MET: variants seen among roughly 807,000 people sequenced by gnomAD.
MET encodes hepatocyte growth factor receptor.
In MET, 48 loss-of-function variants were observed where a neutral mutation model predicts 133.1. The observed-to-expected ratio is 0.36, with a 90% confidence interval of 0.29 to 0.46. The LOEUF (loss-of-function observed/expected upper bound fraction) is 0.46, where lower values mean the gene tolerates loss of function less well. Among genes scored for constraint, MET ranks in the 20% least tolerant of loss-of-function variants. MET has a pLI of 1.00. For synonymous variants in MET, 628 were observed against 616.5 expected (o/e 1.02, Z -0.28); for missense variants, 1,442 against 1,695.9 (o/e 0.85, Z 2.63).
chr7:116,779,095 C>A, intron 17 of MET, 138 bp downstream of exon 17: 2 of 868,412 alleles, frequency 2.3e-6, no homozygotes, highest in South Asian at 1.6e-5. Flanking sequence ...TCAAATGCAC[C>A]TCAAAGTCTT....
intron 1 of MET, among the ~76,000 whole-genome samples, chr7:116,698,817 C>A (rs987225984): frequency 6.6e-6 from 1 of 152,200 alleles, no homozygotes; most frequent in South Asian, 2.1e-4. Context: ...AACCTTAATA[C>A]AGAACATTGT....
chr7:116,733,136 A>T (rs1432258525), intron 3 of MET, among the ~76,000 whole-genome samples: 1 of 152,072 alleles, frequency 6.6e-6, no homozygotes, highest in Non-Finnish European at 1.5e-5. Context: ...CGCCCCTCCC[A>T]CAGAGACATG....
chr7:116,777,495 G>C (rs1252706945), intron 16 of MET, 26 bp downstream of exon 16: 2 of 1,604,778 alleles, frequency 1.2e-6, no homozygotes. Context: ...TTTAACCATG[G>C]AGTATACTTT....
chr7:116,727,780 G>C (rs768789594), intron 2 of MET, among the ~76,000 whole-genome samples: 1 of 152,190 alleles, frequency 6.6e-6, no homozygotes, highest in Non-Finnish European at 1.5e-5. Context: ...TGTCTACAGT[G>C]CTGAGATAAA....
At chr7:116,741,685 T>C (rs1793460214) in intron 5 of MET, among the ~76,000 whole-genome samples, 1 of 152,180 alleles carries the variant, frequency 6.6e-6, no homozygotes, top group African/African-American at 2.4e-5. Context: ...CTTCCTTCAG[T>C]GTTCCCAGAA....
At chr7:116,746,416 T>C (rs1239658974) in intron 5 of MET, among the ~76,000 whole-genome samples, 13 of 152,190 alleles carry the variant, frequency 8.5e-5, no homozygotes, top group Admixed American at 3.3e-4. Context: ...TTGACCCAGC[T>C]GTCCCATTAC....
chr7:116,705,292 T>C (rs1046415765), intron 2 of MET, among the ~76,000 whole-genome samples: 1 of 151,968 alleles, frequency 6.6e-6, no homozygotes, highest in African/African-American at 2.4e-5. Context: ...TCTCGTAATA[T>C]TTAATAAAAT....
intron 1 of MET, among the ~76,000 whole-genome samples, chr7:116,674,445 G>A (rs745768685): frequency 1.3e-5 from 2 of 152,164 alleles, no homozygotes; most frequent in Non-Finnish European, 2.9e-5. Context: ...TTGTCTTAAT[G>A]AGGGCTAGAC....
intron 1 of MET, among the ~76,000 whole-genome samples, chr7:116,684,234 A>T (rs1682765553): frequency 6.6e-6 from 1 of 152,270 alleles, no homozygotes; most frequent in South Asian, 2.1e-4. Flanking sequence ...ATTCCCACAT[A>T]ATTTTTCTCA....
At chr7:116,778,030 G>A (rs1464806790) in intron 16 of MET, among the ~76,000 whole-genome samples, 1 of 152,058 alleles carries the variant, frequency 6.6e-6, no homozygotes, top group Non-Finnish European at 1.5e-5. Context: ...TTTTAATGCT[G>A]GAACATTACT....
At chr7:116,792,291 T>A (rs1382993558) in intron 19 of MET, among the ~76,000 whole-genome samples, 1 of 152,164 alleles carries the variant, frequency 6.6e-6, no homozygotes, top group Non-Finnish European at 1.5e-5. Context: ...ATTCTCCAGA[T>A]GAGCTTATTG....
At chr7:116,701,669 GAAGC>G (rs1424996653) in intron 2 of MET, among the ~76,000 whole-genome samples, 2 of 152,034 alleles carry the variant, frequency 1.3e-5, no homozygotes, top group Admixed American at 1.3e-4. Flanking sequence ...ATGTTGCAAA[GAAGC>G]AATAGAATTC....
chr7:116,712,899 T>C (rs1792052106), intron 2 of MET, among the ~76,000 whole-genome samples: 1 of 152,178 alleles, frequency 6.6e-6, no homozygotes, highest in African/African-American at 2.4e-5. Context: ...TCTGCTCCCG[T>C]AAGGTTTTCT....
intron 15 of MET, among the ~76,000 whole-genome samples, chr7:116,775,600 G>C (rs1201632993): frequency 6.6e-6 from 1 of 152,118 alleles, no homozygotes; most frequent in African/African-American, 2.4e-5. Flanking sequence ...CAACTACTGG[G>C]GAGGCTGAAG....
At chr7:116,685,969 C>T (rs1453239888) in intron 1 of MET, among the ~76,000 whole-genome samples, 1 of 152,012 alleles carries the variant, frequency 6.6e-6, no homozygotes, top group African/African-American at 2.4e-5. Context: ...CCCCACTCTC[C>T]CCTTCCTTCC....
At chr7:116,792,452 GACAGACAC>G (rs1416626197) in intron 19 of MET, among the ~76,000 whole-genome samples, 1 of 33,802 alleles carries the variant, frequency 3.0e-5, no homozygotes, top group Non-Finnish European at 5.1e-5. Context: ...CCCCTCAACC[GACAGACAC>G]ACACACACAC....
intron 1 of MET, among the ~76,000 whole-genome samples, chr7:116,673,211 T>G (rs993207007): frequency 6.6e-6 from 1 of 152,194 alleles, no homozygotes; most frequent in Non-Finnish European, 1.5e-5. Flanking sequence ...GAAAGTACTT[T>G]CCCTGACTAT....
intron 19 of MET, among the ~76,000 whole-genome samples, chr7:116,794,190 T>C (rs781129767): frequency 2.0e-5 from 3 of 152,204 alleles, no homozygotes; most frequent in Non-Finnish European, 4.4e-5. Flanking sequence ...CTTAACCCTG[T>C]TCATTCAGCC....
intron 17 of MET, among the ~76,000 whole-genome samples, chr7:116,779,995 A>T (rs961461768): frequency 1.1e-4 from 16 of 152,172 alleles, no homozygotes; most frequent in African/African-American, 3.1e-4. Context: ...CCCTCATCCC[A>T]TTAGAATGGA....
Sources: allele counts gnomAD v4.1 joint callset (sites outside exome capture counted in the v4.1 genomes callset), GRCh38; gene constraint gnomAD v4.1.1; transcripts MANE v1.5; gene names NCBI Gene and HGNC (gene_info 2026-07-23, HGNC 2026-07-21).